SNRPN: variants seen among roughly 807,000 people sequenced by gnomAD.
SNRPN encodes the protein small nuclear ribonucleoprotein-associated protein N.
Under a neutral mutation model 25.2 loss-of-function variants are expected in SNRPN, and 7 were observed. The observed-to-expected ratio is 0.28, with a 90% CI of 0.16 to 0.52. The LOEUF (loss-of-function observed/expected upper bound fraction) is 0.52, where lower values mean the gene tolerates loss of function less well. Ranked by LOEUF, SNRPN falls within the 20% of genes least tolerant of loss-of-function variation. The pLI is 0.96. For missense variants in SNRPN, 196 were observed against 322.5 expected (o/e 0.61, Z 3.00); for synonymous variants, 124 against 110.6 (o/e 1.12, Z -0.76).
chr15:24,915,831 A>C (rs955996873), intron 2 of SNRPN, among the ~76,000 whole-genome samples: 2 of 152,188 alleles, frequency 1.3e-5, no homozygotes, highest in African/African-American at 4.8e-5. Context: ...GCAGGGAATA[A>C]TTCCAAAATT....
chr15:24,943,401 AAGGGAACCCCCCATGAGCCAT>A (rs2061680661), intron 3 of SNRPN, among the ~76,000 whole-genome samples: 1 of 152,210 alleles, frequency 6.6e-6, no homozygotes, highest in Non-Finnish European at 1.5e-5. Flanking sequence ...CATCTGATTG[AAGGGAACCCCCCATGAGCCAT>A]AGGTGCAGCT....
chr15:24,971,501 A>G (rs1362790675), intron 3 of SNRPN, among the ~76,000 whole-genome samples: 2 of 151,918 alleles, frequency 1.3e-5, no homozygotes, highest in Admixed American at 6.6e-5. Flanking sequence ...AGTAAAACAT[A>G]TATCTCTTCT....
intron 2 of SNRPN, among the ~76,000 whole-genome samples, chr15:24,900,023 C>T (rs904118566): frequency 2.0e-5 from 3 of 152,132 alleles, no homozygotes; most frequent in African/African-American, 7.2e-5. Context: ...CAACCTATGA[C>T]ATGCAGTGGT....
intron 2 of SNRPN, among the ~76,000 whole-genome samples, chr15:24,894,438 C>T (rs1387795539): frequency 6.6e-6 from 1 of 152,122 alleles, no homozygotes; most frequent in African/African-American, 2.4e-5. Context: ...CAGGATGTGT[C>T]TTGATCTCCT....
intron 2 of SNRPN, among the ~76,000 whole-genome samples, chr15:24,902,786 G>T (rs1230342464): frequency 6.6e-6 from 1 of 152,208 alleles, no homozygotes; most frequent in African/African-American, 2.4e-5. Context: ...CCTTTGCGGT[G>T]TTACAAGCGT....
chr15:24,833,104 C>CAAAAAAAAAAAA (rs10696281), intron 2 of SNRPN, among the ~76,000 whole-genome samples: 1 of 61,770 alleles, frequency 1.6e-5, no homozygotes, highest in Admixed American at 2.7e-4. Flanking sequence ...GACTCTGTCT[C>CAAAAAAAAAAAA]AAAAAAAAAA....
chr15:24,955,409 C>A (rs1243038382), intron 1 of SNRPN, among the ~76,000 whole-genome samples: 2 of 151,782 alleles, frequency 1.3e-5, no homozygotes, highest in African/African-American at 2.4e-5. Context: ...GTGGGTACAT[C>A]AGGGTGATTG....
At chr15:24,952,575 T>C (rs549165649), upstream of SNRPN, among the ~76,000 whole-genome samples, 54 of 152,336 alleles carry the variant, frequency 3.5e-4, no homozygotes, top group South Asian at 1.2e-3. Flanking sequence ...ACACCCATTG[T>C]GACCTCTCAG....
At chr15:24,907,441 T>C (rs1425882760) in intron 2 of SNRPN, among the ~76,000 whole-genome samples, 1 of 151,242 alleles carries the variant, frequency 6.6e-6, no homozygotes, top group Non-Finnish European at 1.5e-5. Context: ...ACTAAAAATA[T>C]AGAAAAATTA....
At chr15:24,939,788 CT>C (rs775589448) in intron 3 of SNRPN, among the ~76,000 whole-genome samples, 199 of 131,084 alleles carry the variant, frequency 1.5e-3, no homozygotes, top group Middle Eastern at 4.2e-3. Flanking sequence ...TAGAATTCTT[CT>C]TTTTTTTTTT....
At chr15:24,955,165 G>T (rs2062631500) in intron 1 of SNRPN, 103 bp downstream of exon 1, 2 of 1,495,144 alleles carry the variant, frequency 1.3e-6, no homozygotes, top group Non-Finnish European at 1.8e-6. Context: ...TGAATAAACG[G>T]AATTTGGGCC....
At chr15:24,932,906 C>T (rs1378577196) in intron 3 of SNRPN, among the ~76,000 whole-genome samples, 2 of 152,158 alleles carry the variant, frequency 1.3e-5, no homozygotes, top group Non-Finnish European at 2.9e-5. Context: ...GCCGCAGCCT[C>T]CCAAAGTGCT....
chr15:24,864,789 G>A (rs993020942), intron 1 of SNRPN, among the ~76,000 whole-genome samples: 4 of 151,860 alleles, frequency 2.6e-5, no homozygotes, highest in Admixed American at 6.6e-5. Context: ...GAGATTTCTT[G>A]CATCATGTGT....
chr15:24,899,021 C>T (rs1386277752), intron 2 of SNRPN, among the ~76,000 whole-genome samples: 1 of 152,144 alleles, frequency 6.6e-6, no homozygotes, highest in Non-Finnish European at 1.5e-5. Flanking sequence ...CATATGGCTA[C>T]TTGAGATAAT....
rs538789063 is a variant in SNRPN at position 24,859,072 on chromosome 15, C to T, written c.-579+2356C>T. 3.9e-5 allele frequency among the ~76,000 whole-genome samples: 6 copies of T among 152,144 alleles called. No individual in the cohort carries two copies. The East Asian group carries it at 1.2e-3, about 30-fold the overall frequency. ...TCTAAAGAAAGTTCAATTGTCTAGC[C>T]AACCAGGATTAGTTCAGACTGTGCG... On this transcript the variant is annotated intron_variant, in intron 1 of 11. Coordinates refer to the SNRPN transcript ENST00000400097.
chr15:24,930,684 G>A (rs930287645), intron 3 of SNRPN, among the ~76,000 whole-genome samples: 3 of 151,098 alleles, frequency 2.0e-5, no homozygotes, highest in South Asian at 2.1e-4. Context: ...GGTGGATCCC[G>A]AGGTCAGGAG....
At chr15:24,825,473 A>G (rs1405963719) in intron 1 of SNRPN, among the ~76,000 whole-genome samples, 5 of 152,116 alleles carry the variant, frequency 3.3e-5, no homozygotes, top group African/African-American at 9.7e-5. Flanking sequence ...TGTTCTGATA[A>G]ATGGAAAGCT....
chr15:24,891,856 C>A (rs188223471), intron 2 of SNRPN, among the ~76,000 whole-genome samples: 2 of 152,292 alleles, frequency 1.3e-5, no homozygotes, highest in African/African-American at 2.4e-5. Flanking sequence ...GATCTTCTAG[C>A]TATCATTCTA....
At chr15:24,967,416 G>C (rs1294665128) in intron 2 of SNRPN, among the ~76,000 whole-genome samples, 1 of 151,966 alleles carries the variant, frequency 6.6e-6, no homozygotes, top group Non-Finnish European at 1.5e-5. Context: ...AAAGTGGGTG[G>C]ATCACCTGAG....
Sources: allele counts gnomAD v4.1 joint callset (sites outside exome capture counted in the v4.1 genomes callset), GRCh38; gene constraint gnomAD v4.1.1; transcripts MANE v1.5; gene names NCBI Gene and HGNC (gene_info 2026-07-23, HGNC 2026-07-21).